SHANK2: variants seen among roughly 807,000 people sequenced by gnomAD.
SHANK2 encodes the protein SH3 and multiple ankyrin repeat domains protein 2.
In SHANK2, 43 loss-of-function variants were observed where a neutral mutation model predicts 133.7. The ratio of observed to expected loss-of-function variants is 0.32; its 90% CI spans 0.25 to 0.41. The LOEUF is 0.41. Ranked by LOEUF, SHANK2 falls within the 10% of genes least tolerant of loss-of-function variation. The pLI, the probability that SHANK2 is intolerant of heterozygous loss-of-function variation, is 1.00. For missense variants in SHANK2, 1,994 were observed against 2,235.8 expected (o/e 0.89, Z 2.18); for synonymous variants, 1,017 against 952.8 (o/e 1.07, Z -1.24).
intron 12 of SHANK2, among the ~76,000 whole-genome samples, chr11:70,814,161 T>C (rs1242260290): frequency 6.6e-6 from 1 of 151,962 alleles, no homozygotes; most frequent in Non-Finnish European, 1.5e-5. Context: ...CCATCTCTAC[T>C]AAAAATACAA....
In SHANK2 at chr11:70,788,940, A is replaced by C. The variant is rs558165860; in HGVS notation, c.1777+9503T>G. 1.3e-3 allele frequency among the ~76,000 whole-genome samples: 193 copies of C among 152,282 alleles called. 3 individuals carry two copies. The highest frequency in any genetic ancestry group is 4.4e-3 in the African/African-American group (183 of 41,550). On this transcript the variant is annotated intron_variant, in intron 14 of 25. Transcript: ENST00000601538. ...GTCGGGTCCACACGATCTGAAGGAG[A>C]GATCCGAGAATGTTATGCCCATTAG...
chr11:70,768,696 A>G (rs1947178209), intron 14 of SHANK2, among the ~76,000 whole-genome samples: 1 of 152,238 alleles, frequency 6.6e-6, no homozygotes, highest in Admixed American at 6.5e-5. Flanking sequence ...GGTTTCCCTC[A>G]TCAGGAGAAA....
At chr11:70,688,112 G>A (rs572867098) in intron 15 of SHANK2, among the ~76,000 whole-genome samples, 3 of 152,242 alleles carry the variant, frequency 2.0e-5, no homozygotes, top group African/African-American at 7.2e-5. Context: ...TGGCCTCCCT[G>A]CTCTCCAGCC....
Position 71,133,728 on chromosome 11 carries a change from A to T in SHANK2, c.207+13392T>A, listed in dbSNP as rs1212952296. On this transcript the variant is annotated intron_variant, in intron 3 of 25. Coordinates refer to ENST00000601538, the MANE Select transcript of SHANK2 (RefSeq NM_012309.5). ...TTTGAATAAAGACCATTATCATGTT[A>T]CCATCTTCTGCCCAAGTCCTTTTTG... Among the ~76,000 whole-genome samples, 3 of 152,256 alleles carry T rather than the reference A, an allele frequency of 2.0e-5. No individual in the cohort carries two copies. The East Asian group carries it at 5.8e-4, about 29-fold the overall frequency.
At chr11:71,172,076 TTCA>T (rs1555112303) in intron 2 of SHANK2, among the ~76,000 whole-genome samples, 1 of 152,132 alleles carries the variant, frequency 6.6e-6, no homozygotes, top group Non-Finnish European at 1.5e-5. Flanking sequence ...GGTGGCAGAC[TTCA>T]TCACTCAGCC....
At chr11:71,192,770 T>C (rs1953817345) in intron 2 of SHANK2, among the ~76,000 whole-genome samples, 1 of 152,214 alleles carries the variant, frequency 6.6e-6, no homozygotes, top group Non-Finnish European at 1.5e-5. Context: ...GGCTTCCTTT[T>C]TCCTAGAGAG....
rs529525095 is a variant in SHANK2 at position 70,586,559 on chromosome 11, G to A, written c.2061+73269C>T. ...AGACCTCGGAAGCTAACTCCGAGGC[G>A]GCCCCTGCATGGCTGGCCAAGGGGC... On this transcript the variant is annotated intron_variant, in intron 17 of 25. Transcript: ENST00000601538. 3.2e-3 allele frequency among the ~76,000 whole-genome samples: 481 copies of A among 152,320 alleles called. 3 individuals are homozygous for A. Among genetic ancestry groups the A allele is most frequent in the Admixed American group, 9.2e-3 (141 of 15,304 alleles).
chr11:70,862,691 A>T (rs1555068048), intron 11 of SHANK2: 2 of 200,572 alleles, frequency 1.0e-5, no homozygotes, highest in Admixed American at 1.2e-4. Flanking sequence ...AGGACTGTGG[A>T]TGATACTCAG....
intron 15 of SHANK2, among the ~76,000 whole-genome samples, chr11:70,683,470 C>T (rs879946898): frequency 6.6e-6 from 1 of 152,242 alleles, no homozygotes; most frequent in Non-Finnish European, 1.5e-5. Context: ...TGTTAGCTCA[C>T]TGATATGCTG....
chr11:71,204,702 A>C (rs1954092559), intron 2 of SHANK2, among the ~76,000 whole-genome samples: 1 of 152,110 alleles, frequency 6.6e-6, no homozygotes, highest in African/African-American at 2.4e-5. Context: ...CCCCAGTCTA[A>C]CCCTGACCAG....
At chr11:70,814,630 TCCCAGAG>T (rs1948351723) in intron 12 of SHANK2, among the ~76,000 whole-genome samples, 1 of 152,232 alleles carries the variant, frequency 6.6e-6, no homozygotes, top group African/African-American at 2.4e-5. Flanking sequence ...AAGACGGGCT[TCCCAGAG>T]CCCCACTGGG....
intron 6 of SHANK2, among the ~76,000 whole-genome samples, chr11:71,096,946 C>A (rs1476651555): frequency 3.3e-5 from 5 of 152,198 alleles, no homozygotes; most frequent in African/African-American, 1.2e-4. Flanking sequence ...CAGATGCCTG[C>A]AGCCAAACCA....
chr11:70,664,277 G>A (rs1208132342), intron 15 of SHANK2, among the ~76,000 whole-genome samples: 1 of 152,136 alleles, frequency 6.6e-6, no homozygotes, highest in Non-Finnish European at 1.5e-5. Context: ...TCCTGAAAGG[G>A]GAGTCAGCCC....
chr11:70,596,808 T>C (rs2060407888), intron 17 of SHANK2, among the ~76,000 whole-genome samples: 1 of 151,972 alleles, frequency 6.6e-6, no homozygotes, highest in Non-Finnish European at 1.5e-5. Context: ...TCTCCCCCAG[T>C]GTGAGGAATC....
intron 11 of SHANK2, among the ~76,000 whole-genome samples, chr11:70,855,279 C>A (rs908373283): frequency 6.6e-6 from 1 of 152,254 alleles, no homozygotes; most frequent in Non-Finnish European, 1.5e-5. Flanking sequence ...ACAGGACAGA[C>A]ATTCTAGCAG....
chr11:70,566,244 T>C (rs982832629), intron 17 of SHANK2: 1 of 152,138 alleles, frequency 6.6e-6, no homozygotes, highest in East Asian at 1.9e-4. Context: ...AGATGAGATT[T>C]GGGTGGGGAC....
chr11:71,228,618 C>T (rs1954683991), intron 1 of SHANK2, among the ~76,000 whole-genome samples: 1 of 152,064 alleles, frequency 6.6e-6, no homozygotes, highest in Admixed American at 6.6e-5. Flanking sequence ...ATTAGCTGGG[C>T]CTTGTAGTGG....
chr11:70,742,016 C>A lies in SHANK2; in HGVS notation c.1778-43253G>T, dbSNP rs372251917. ...GCTGCCCCAGCTACAGGACTGGTCT[C>A]TTCCGAGTCCCCACCTCCTCATCTG... On this transcript the variant is annotated intron_variant, in intron 14 of 25. Transcript: ENST00000601538. 1.2e-4 allele frequency among the ~76,000 whole-genome samples: 19 copies of A among 152,340 alleles called. No homozygotes were observed. The South Asian group carries it at 3.9e-3, about 32-fold the overall frequency.
intron 8 of SHANK2, among the ~76,000 whole-genome samples, chr11:71,084,094 C>T (rs978282130): frequency 5.3e-5 from 8 of 151,778 alleles, no homozygotes; most frequent in Non-Finnish European, 8.8e-5. Flanking sequence ...CTCAGCCTCC[C>T]GAGTAGCTGG....
Sources: gnomAD v4.1 joint callset for allele counts (sites outside exome capture counted in the v4.1 genomes callset) on GRCh38, gnomAD v4.1.1 for gene constraint, MANE v1.5 for transcripts, NCBI Gene and HGNC (gene_info 2026-07-23, HGNC 2026-07-21) for gene names.